CFAP57: variants seen among roughly 807,000 people sequenced by gnomAD.
CFAP57 encodes cilia- and flagella-associated protein 57.
Under a neutral mutation model 146.8 loss-of-function variants are expected in CFAP57, and 116 were observed. That is an observed-to-expected ratio of 0.79 (90% CI 0.68 to 0.92). The LOEUF (loss-of-function observed/expected upper bound fraction) is 0.92, where lower values mean the gene tolerates loss of function less well. CFAP57 is among the 40% of genes least tolerant of loss of function. CFAP57 has a pLI of 0.00. For missense variants in CFAP57, 1,377 were observed against 1,527.2 expected, an observed-to-expected ratio of 0.90 and a Z score of 1.64; for synonymous variants, 518 against 552.8, an observed-to-expected ratio of 0.94 and a Z score of 0.88.
At chr1:43,218,792 T>G (rs1317182690) in intron 12 of CFAP57, among the ~76,000 whole-genome samples, 7 of 152,204 alleles carry the variant, frequency 4.6e-5, no homozygotes, top group African/African-American at 7.2e-5. Context: ...AATGTGTTTG[T>G]CTGGCTGCCT....
intron 18 of CFAP57, among the ~76,000 whole-genome samples, chr1:43,230,412 A>G (rs1372123592): frequency 6.6e-6 from 1 of 152,108 alleles, no homozygotes; most frequent in Non-Finnish European, 1.5e-5. Context: ...TGCAAATTAC[A>G]TCATTCCACT....
chr1:43,188,645 T>A (rs1444255668), intron 6 of CFAP57, among the ~76,000 whole-genome samples: 1 of 152,236 alleles, frequency 6.6e-6, no homozygotes, highest in Non-Finnish European at 1.5e-5. Flanking sequence ...TTGTAACAGT[T>A]ATTTATAATT....
chr1:43,192,303 ACTTGT>A (rs1428082388), intron 6 of CFAP57, among the ~76,000 whole-genome samples: 1 of 152,090 alleles, frequency 6.6e-6, no homozygotes, highest in Admixed American at 6.6e-5. Flanking sequence ...TCTTCTGCCT[ACTTGT>A]CTTGATTGTT....
intron 6 of CFAP57, among the ~76,000 whole-genome samples, chr1:43,189,309 T>C (rs1303673343): frequency 1.3e-5 from 2 of 152,212 alleles, no homozygotes; most frequent in Admixed American, 1.3e-4. Flanking sequence ...CGGGATTGCA[T>C]TGAATTTATA....
chr1:43,236,143 G>A (rs1166111739), intron 21 of CFAP57, among the ~76,000 whole-genome samples: 1 of 151,980 alleles, frequency 6.6e-6, no homozygotes, highest in African/African-American at 2.4e-5. Context: ...AACAAATGAA[G>A]TCCCGGGAAG....
rs1015260738 is a variant in CFAP57, at chr1:43,222,256, C to T, written c.2493C>T (p.Tyr831=). 107 of 1,472,642 alleles carry T rather than the reference C, an allele frequency of 7.3e-5. No individual in the cohort carries two copies. Among genetic ancestry groups the T allele is most frequent in the African/African-American group, 5.0e-4 (35 of 69,866 alleles). The allele number at this position is 1,472,642 out of a possible 1,614,324, so 91.2% of individuals were successfully genotyped here. A position where few individuals can be genotyped will look rare whatever the true frequency, so the allele number is the denominator to read the frequency against. ...CCCTGGAGGAGCTGACTGAGTTTTA[C>T]GAGGCAAAACTGCAGGAGAAAACCA... is the stretch of plus-strand genomic sequence containing the variant. ...SQALEELTEF[Y]EAKLQEKTTL... The change falls in exon 15 of 23, where the codon TAC becomes TAT. Residue 831 remains tyrosine (Y), a synonymous_variant. Coordinates refer to ENST00000372492, the MANE Select transcript of CFAP57 (RefSeq NM_001378189.1).
intron 2 of CFAP57, among the ~76,000 whole-genome samples, chr1:43,174,515 G>A (rs1274108415): frequency 2.6e-5 from 4 of 152,098 alleles, no homozygotes; most frequent in Non-Finnish European, 4.4e-5. Context: ...TGTTGATTAG[G>A]GGCAATAAAA....
chr1:43,239,547 C>T (rs1420876426), intron 21 of CFAP57, among the ~76,000 whole-genome samples: 1 of 152,162 alleles, frequency 6.6e-6, no homozygotes, highest in African/African-American at 2.4e-5. Flanking sequence ...GACAAACCAG[C>T]AGGAAGGATG....
At position 43,215,301 on chromosome 1, in the gene CFAP57, A is replaced by G; in HGVS notation, c.1976A>G (p.Asp659Gly). ...CAGTTCCTGCTGACTGCTGCTGAGG[A>G]TGGCTGCCTGTTCACCTGGAAGGTC... The part of the protein sequence containing the change: ...DDQFLLTAAE[D>G]GCLFTWKVFD... Residue 659 changes from aspartate to glycine, a missense_variant, in exon 12 of 23, where the codon GAT becomes GGT. Coordinates refer to ENST00000372492, the MANE Select transcript of CFAP57 (RefSeq NM_001378189.1). The G allele has an allele frequency of 6.4e-7, 1 of 1,551,278 alleles. No homozygotes were observed. The highest frequency in any genetic ancestry group is 8.7e-7 in the Non-Finnish European group (1 of 1,147,116).
chr1:43,223,632 G>C (rs1645135519), intron 16 of CFAP57, among the ~76,000 whole-genome samples: 1 of 152,192 alleles, frequency 6.6e-6, no homozygotes, highest in South Asian at 2.1e-4. Flanking sequence ...GGAACAATCA[G>C]TCTTCCCTTC....
In CFAP57 at chr1:43,234,355, G is replaced by A. The variant is rs1388472093; in HGVS notation, c.3203G>A (p.Arg1068Gln). Residue 1068 changes from arginine to glutamine, a missense_variant, in exon 20 of 23, where the codon CGG becomes CAG. Transcript: ENST00000372492. ...HNCVAYIQEP[R>Q]LLKEKVRGLF... ...TGCGTAGCCTATATTCAGGAACCGC[G>A]GCTGCTGAAGGAGAAGGTTCGAGGT... 1.3e-5 allele frequency: 20 copies of A among 1,550,422 alleles called. No homozygotes were observed. In the East Asian group the frequency reaches 2.7e-4, roughly 21 times the overall value.
rs1646382578 is a variant in CFAP57 at position 43,254,020 on chromosome 1, G to C, written c.3582G>C (p.Leu1194Phe). 4 of 1,550,598 alleles carry C rather than the reference G, an allele frequency of 2.6e-6. No individual in the cohort carries two copies. Among genetic ancestry groups the C allele is most frequent in the Non-Finnish European group, 3.5e-6 (4 of 1,147,008 alleles). ...TCAGCACAGCTCCCACCGCAAGGTT[G>C]AATGAGCAAGAAGAAACTGGGAGGA... ...DMLSTAPTARLNEQEETGRII... is the reference protein window; with the variant it reads ...DMLSTAPTARFNEQEETGRII... The change falls in exon 23 of 23, where the codon TTG becomes TTC. Residue 1194 changes from leucine (L) to phenylalanine (F), a missense_variant. Physicochemically the swap from Leu to Phe is conservative, Grantham distance 22 (BLOSUM62 0). Transcript: ENST00000372492.
At chr1:43,245,326 CA>C (rs66511657) in intron 22 of CFAP57, among the ~76,000 whole-genome samples, 150 of 142,126 alleles carry the variant, frequency 1.1e-3, no homozygotes, top group African/African-American at 2.8e-3. Flanking sequence ...GACCCTGTCT[CA>C]AAAAAAAAAA....
chr1:43,213,512 C>T (rs55805863), intron 11 of CFAP57, among the ~76,000 whole-genome samples: 7 of 144,928 alleles, frequency 4.8e-5, no homozygotes, highest in Non-Finnish European at 8.9e-5. Flanking sequence ...ATGGGGGGGG[C>T]GGTGGAGCGC....
intron 2 of CFAP57, among the ~76,000 whole-genome samples, chr1:43,179,740 G>A (rs621559): frequency 0.18 from 26,603 of 151,934 alleles, 3,271 homozygotes; most frequent in African/African-American, 0.33. Flanking sequence ...CTGGACCTCC[G>A]TACCCAACTG....
At chr1:43,187,558 A>G (rs11811512) in intron 6 of CFAP57, among the ~76,000 whole-genome samples, 6,597 of 151,906 alleles carry the variant, frequency 0.043, 173 homozygotes, top group African/African-American at 0.054. Flanking sequence ...TCAAAAAGTT[A>G]TGCAACCATT....
At chr1:43,200,502 AG>A (rs2124438439) in intron 9 of CFAP57, among the ~76,000 whole-genome samples, 1 of 151,830 alleles carries the variant, frequency 6.6e-6, no homozygotes, top group Admixed American at 6.6e-5. Context: ...AAAAAAAGAA[AG>A]AAAGAAAGAA....
intron 6 of CFAP57, among the ~76,000 whole-genome samples, chr1:43,197,069 C>T (rs1481255293): frequency 2.0e-5 from 3 of 152,106 alleles, no homozygotes; most frequent in Non-Finnish European, 4.4e-5. Flanking sequence ...ATAATATTGG[C>T]TCAGCCAAGC....
intron 2 of CFAP57, chr1:43,177,302 A>T: frequency 2.3e-6 from 1 of 433,864 alleles, no homozygotes; most frequent in South Asian, 1.7e-5. Flanking sequence ...AGATTTCTTC[A>T]TAGACACCAT....
Sources: allele counts gnomAD v4.1 joint callset (sites outside exome capture counted in the v4.1 genomes callset), GRCh38; gene constraint gnomAD v4.1.1; transcripts MANE v1.5; gene names NCBI Gene and HGNC (gene_info 2026-07-23, HGNC 2026-07-21).